The following CD80 variants were observed in gnomAD, a reference collection of about 807,000 sequenced individuals.
The protein encoded by CD80 is CD80 molecule.
Under a neutral mutation model 27.1 loss-of-function variants are expected in CD80, and 13 were observed. The observed-to-expected ratio is 0.48, with a 90% CI of 0.31 to 0.76. The LOEUF (loss-of-function observed/expected upper bound fraction) is 0.76. CD80 is among the 30% of genes least tolerant of loss of function. CD80 has a pLI of 0.04. For synonymous variants in CD80, 125 were observed against 125.5 expected (o/e 1.00, Z 0.03); for missense variants, 277 against 347.9 (o/e 0.80, Z 1.62).
chr3:119,554,084 T>A (rs1381753074), intron 2 of CD80, among the ~76,000 whole-genome samples: 1 of 152,264 alleles, frequency 6.6e-6, no homozygotes, highest in Non-Finnish European at 1.5e-5. Flanking sequence ...CCTGCTCATA[T>A]ACTCTGTACC....
intron 5 of CD80, 139 bp from the exon 6 acceptor site, chr3:119,527,980 T>C (rs6778945): frequency 0.88 from 618,543 of 705,692 alleles, 271,725 homozygotes; most frequent in African/African-American, 0.96. Context: ...TGATTTACAA[T>C]GCTCCCTCTT....
At chr3:119,538,342 CA>C (rs1312673663) in intron 3 of CD80, among the ~76,000 whole-genome samples, 3 of 152,102 alleles carry the variant, frequency 2.0e-5, no homozygotes, top group Non-Finnish European at 4.4e-5. Flanking sequence ...TTGAAGTACG[CA>C]AGTGGCTTTC....
intron 4 of CD80, among the ~76,000 whole-genome samples, chr3:119,535,372 C>A (rs1389193987): frequency 6.6e-6 from 1 of 152,140 alleles, no homozygotes; most frequent in East Asian, 1.9e-4. Context: ...ACTGTATTAT[C>A]AAACTCAGTG....
intron 4 of CD80, among the ~76,000 whole-genome samples, chr3:119,535,045 A>T (rs1300278575): frequency 6.6e-6 from 1 of 152,102 alleles, no homozygotes; most frequent in Non-Finnish European, 1.5e-5. Context: ...TACAAAAATT[A>T]TCTGTGTGTG....
intron 4 of CD80, among the ~76,000 whole-genome samples, chr3:119,532,530 C>T (rs1394673067): frequency 6.6e-6 from 1 of 151,630 alleles, no homozygotes; most frequent in Admixed American, 6.6e-5. Context: ...CATCTGATTT[C>T]TAAATTTGTA....
chr3:119,545,243 C>G (rs1560056930), intron 2 of CD80, among the ~76,000 whole-genome samples: 1 of 152,064 alleles, frequency 6.6e-6, no homozygotes, highest in Admixed American at 6.6e-5. Flanking sequence ...ACTCGGGAGG[C>G]TGAGGCAGGA....
intron 3 of CD80, among the ~76,000 whole-genome samples, chr3:119,537,979 G>A (rs189562285): frequency 3.0e-4 from 46 of 152,304 alleles, no homozygotes; most frequent in South Asian, 8.3e-4. Context: ...AAGTAGGTTC[G>A]TGTGAATAAA....
At chr3:119,552,888 G>T (rs1458448468) in intron 2 of CD80, among the ~76,000 whole-genome samples, 1 of 152,022 alleles carries the variant, frequency 6.6e-6, no homozygotes, top group African/African-American at 2.4e-5. Context: ...GAAGAGAAAA[G>T]AAATGTCTAG....
intron 3 of CD80, 103 bp from the exon 4 acceptor site, chr3:119,537,521 G>A (rs1362228531): frequency 2.4e-6 from 2 of 822,946 alleles, no homozygotes; most frequent in African/African-American, 1.7e-5. Flanking sequence ...ATTGATAAAG[G>A]CCAGGTGCAG....
At position 119,557,784 on chromosome 3, in the gene CD80, C is replaced by T. The variant is rs2082272400; in HGVS notation, c.-56G>A. The T allele has an allele frequency of 7.7e-7, 1 of 1,296,250 alleles. No homozygotes were observed. Among genetic ancestry groups the T allele is most frequent in the Non-Finnish European group, 1.1e-6 (1 of 916,878 alleles). 80.3% of individuals were successfully genotyped at this position (1,296,250 alleles called of 1,614,324 possible). A position where few individuals can be genotyped will look rare whatever the true frequency, so the allele number is the denominator to read the frequency against. On this transcript the variant is annotated 5_prime_UTR_variant, in exon 2 of 7. Coordinates refer to ENST00000264246, the MANE Select transcript of CD80 (RefSeq NM_005191.4). Reference sequence around the variant, plus strand: ...GCCAACAATTTGGACCCAAGTAAGACCAGGGCACTTCCCAGGTGCAAAACA... The same window carrying T: ...GCCAACAATTTGGACCCAAGTAAGATCAGGGCACTTCCCAGGTGCAAAACA...
In CD80 at chr3:119,537,276, T is replaced by C. The variant is rs779393402; in HGVS notation, c.561A>G (p.Thr187=). The change falls in exon 4 of 7, where the codon ACA becomes ACG. Residue 187 remains threonine, a synonymous_variant. Coordinates refer to ENST00000264246, the MANE Select transcript of CD80 (RefSeq NM_005191.4). ...ENGEELNAIN[T]TVSQDPETEL... ...CAGTTTCAGGATCTTGGGAAACTGT[T>C]GTGTTGATGGCATTTAATTCTTCTC... 1.7e-5 allele frequency: 28 copies of C among 1,614,014 alleles called. No homozygotes were observed. Among genetic ancestry groups the C allele is most frequent in the Non-Finnish European group, 2.2e-5 (26 of 1,180,014 alleles).
chr3:119,555,900 A>G (rs996195448), intron 2 of CD80, among the ~76,000 whole-genome samples: 7 of 152,212 alleles, frequency 4.6e-5, no homozygotes, highest in Admixed American at 3.3e-4. Flanking sequence ...GCCTTTGTCC[A>G]GGCTGTTGCC....
rs375217828 is a variant in CD80, at chr3:119,555,340, CTT to C, written c.100+2287_100+2288del. Among the ~76,000 whole-genome samples the C allele has an allele frequency of 6.4e-3, 976 of 152,278 alleles. 4 individuals are homozygous for C. Among genetic ancestry groups the C allele is most frequent in the South Asian group, 0.016 (76 of 4,818 alleles). The stretch of plus-strand genomic sequence containing the variant: ...ATGGATTTGGGCAAATTTATAATGA[CTT>C]ATATCTATCATTACAGTATTATGCA... On this transcript the variant is annotated intron_variant, in intron 2 of 6. Transcript: ENST00000264246.
At chr3:119,554,751 C>G (rs2082253562) in intron 2 of CD80, among the ~76,000 whole-genome samples, 1 of 152,162 alleles carries the variant, frequency 6.6e-6, no homozygotes, top group Admixed American at 6.5e-5. Flanking sequence ...TCCCACAGAC[C>G]ATGCACACTC....
At chr3:119,557,287 G>T (rs936222337) in intron 2 of CD80, among the ~76,000 whole-genome samples, 1 of 152,160 alleles carries the variant, frequency 6.6e-6, no homozygotes, top group Non-Finnish European at 1.5e-5. Context: ...AGACTCCGAG[G>T]CCAGTATCGG....
intron 4 of CD80, among the ~76,000 whole-genome samples, chr3:119,530,461 G>A (rs188493564): frequency 2.0e-5 from 3 of 152,270 alleles, no homozygotes; most frequent in Admixed American, 6.5e-5. Context: ...TCACCCTCTA[G>A]CTACTGGAAA....
rs185193052 is a variant in CD80 at position 119,555,474 on chromosome 3, C to T, written c.100+2155G>A. ...GAGTGAACAGAGCTGGGGTAGACCA[C>T]GCCACTCTCCTGGGTAAAGCCCTTC... On this transcript the variant is annotated intron_variant, in intron 2 of 6. Transcript: ENST00000264246. 1.9e-3 allele frequency among the ~76,000 whole-genome samples: 283 copies of T among 152,324 alleles called. 1 individual carries two copies. Among genetic ancestry groups the T allele is most frequent in the African/African-American group, 4.8e-3 (200 of 41,566 alleles).
chr3:119,542,777 C>T (rs1272612958), intron 3 of CD80, among the ~76,000 whole-genome samples: 1 of 152,142 alleles, frequency 6.6e-6, no homozygotes, highest in Non-Finnish European at 1.5e-5. Context: ...CAAAGCAGAC[C>T]TCCTTCTTGC....
intron 4 of CD80, among the ~76,000 whole-genome samples, chr3:119,531,228 T>C (rs529070089): frequency 6.6e-6 from 1 of 152,392 alleles, no homozygotes; most frequent in South Asian, 2.1e-4. Context: ...AAACAGTTTT[T>C]GTGCCAGGGC....
Sources: gnomAD v4.1 joint callset for allele counts (sites outside exome capture counted in the v4.1 genomes callset) on GRCh38, gnomAD v4.1.1 for gene constraint, MANE v1.5 for transcripts, NCBI Gene and HGNC (gene_info 2026-07-23, HGNC 2026-07-21) for gene names.